Variants in PGK1 observed in about 807,000 individuals in gnomAD.
PGK1 encodes the protein PRP 2.
A neutral mutation model predicts 26.9 loss-of-function variants in PGK1; 3 were observed. The ratio of observed to expected loss-of-function variants is 0.11; its 90% CI spans 0.05 to 0.29. PGK1 has a LOEUF of 0.29. Among genes scored for constraint, PGK1 ranks in the 10% least tolerant of loss-of-function variants. The pLI, the probability that PGK1 is intolerant of heterozygous loss-of-function variation, is 1.00. For missense variants in PGK1, 270 were observed against 314.7 expected, an observed-to-expected ratio of 0.86 and a Z score of 1.07; for synonymous variants, 125 against 115.3, an observed-to-expected ratio of 1.08 and a Z score of -0.54.
chrX:78,104,704 A>T (rs1310757658), intron 1 of PGK1, among the ~76,000 whole-genome samples: 1 of 111,278 alleles, frequency 9.0e-6, no homozygotes, highest in Non-Finnish European at 1.9e-5. Context: ...CGTTGCCTCC[A>T]GCTCCCAGTC....
chrX:78,115,057 C>CT (rs1397828794), intron 4 of PGK1, among the ~76,000 whole-genome samples: 2 of 111,171 alleles, frequency 1.8e-5, no homozygotes, highest in African/African-American at 6.5e-5. Context: ...CAAGCAGTTT[C>CT]TTTTTTTAGC....
At chrX:78,106,363 A>T in intron 1 of PGK1, 1 of 726,461 alleles carries the variant, frequency 1.4e-6, no homozygotes, top group Non-Finnish European at 1.6e-6. Context: ...TTCTCCCGTA[A>T]CCTGGATACC....
chrX:78,119,760 G>A (rs1381377164), intron 6 of PGK1, among the ~76,000 whole-genome samples: 2 of 111,634 alleles, frequency 1.8e-5, no homozygotes, highest in African/African-American at 3.3e-5. Context: ...CTTCCGCCAC[G>A]ATTGTAAATT....
In PGK1 at chrX:78,104,252, C is replaced by T. The variant is rs1557245884; in HGVS notation, c.-89C>T. 2 of 700,174 alleles carry T rather than the reference C, an allele frequency of 2.9e-6. No individual in the cohort carries two copies. The highest frequency in any genetic ancestry group is 4.6e-6 in the Non-Finnish European group (2 of 438,760). The allele number at this position is 700,174 out of a possible 1,213,427, so 57.7% of individuals were successfully genotyped here. On this transcript the variant is annotated 5_prime_UTR_variant, in exon 1 of 11. Coordinates refer to ENST00000373316, the MANE Select transcript of PGK1 (RefSeq NM_000291.4). ...CCCTGTTCCTGCCCGCGCGGTGTTC[C>T]GCATTCTGCAAGCCTCCGGAGCGCA...
In PGK1 at chrX:78,129,226, T is replaced by TATCTATCTATCTATCTATCTA. The variant is rs1557249074; in HGVS notation, c.*3397_*3417dup. On this transcript the variant is annotated 3_prime_UTR_variant, in exon 11 of 11. Transcript: ENST00000373316. ...GAGCATACCCATGTGTGTACCTATC[T>TATCTATCTATCTATCTATCTA]ATCTATCTATCTATCTATCTATCTA... is the stretch of plus-strand genomic sequence containing the variant. 9.5e-6 allele frequency: 1 copy of TATCTATCTATCTATCTATCTA among 105,733 alleles called. No individual in the cohort carries two copies. Among genetic ancestry groups the TATCTATCTATCTATCTATCTA allele is most frequent in the African/African-American group, 3.5e-5 (1 of 28,935 alleles). 8.7% of individuals were successfully genotyped at this position (105,733 alleles called of 1,213,427 possible). A position where few individuals can be genotyped will look rare whatever the true frequency, so the allele number is the denominator to read the frequency against.
At chrX:78,118,292 G>A (rs2078336148) in intron 6 of PGK1, 122 bp downstream of exon 6, 2 of 772,056 alleles carry the variant, frequency 2.6e-6, no homozygotes, top group Non-Finnish European at 4.0e-6. Flanking sequence ...TTTAATAAAG[G>A]AACTACAGGC....
At chrX:78,117,233 A>G in intron 4 of PGK1, 79 bp from the exon 5 acceptor site, 3 of 692,948 alleles carry the variant, frequency 4.3e-6, no homozygotes, top group Non-Finnish European at 2.3e-6. Context: ...GAGATGTTCA[A>G]GAGGACTCTT....
At chrX:78,118,605 C>T (rs142937083) in intron 6 of PGK1, among the ~76,000 whole-genome samples, 6 of 108,291 alleles carry the variant, frequency 5.5e-5, no homozygotes, top group African/African-American at 2.1e-4. Context: ...AATAAATAAA[C>T]AAACAAACGA....
intron 2 of PGK1, 125 bp downstream of exon 2, chrX:78,110,042 A>C: frequency 1.9e-6 from 1 of 534,762 alleles, no homozygotes; most frequent in East Asian, 3.4e-5. Flanking sequence ...TTGGCTTTCT[A>C]TCAACCCACT....
intron 6 of PGK1, among the ~76,000 whole-genome samples, chrX:78,119,961 GA>G (rs782199952): frequency 1.4e-3 from 157 of 111,653 alleles, no homozygotes; most frequent in African/African-American, 5.0e-3. Context: ...CTTGTTCTTG[GA>G]AAAAGGTATC....
chrX:78,117,537 T>G lies in PGK1; in HGVS notation c.521+122T>G, dbSNP rs782209918. 331 of 529,500 alleles carry G rather than the reference T, an allele frequency of 6.3e-4. 1 individual carries two copies. Among genetic ancestry groups the G allele is most frequent in the South Asian group, 5.4e-3 (207 of 37,990 alleles). The allele number at this position is 529,500 out of a possible 1,213,427, so 43.6% of individuals were successfully genotyped here. ...ACTGTAATCCTTTCAGCTTCTCTAA[T>G]TGGAACTGCCACTATGGCTCTTGTT... On this transcript the variant is annotated intron_variant, in intron 5 of 10. Transcript: ENST00000373316.
chrX:78,110,599 A>G (rs1222106610), intron 2 of PGK1, among the ~76,000 whole-genome samples: 4 of 110,148 alleles, frequency 3.6e-5, no homozygotes, highest in Non-Finnish European at 7.6e-5. Flanking sequence ...ATAGTAAGAC[A>G]CCATCTCTAT....
At chrX:78,104,510 C>A in intron 1 of PGK1, 105 bp downstream of exon 1, 1 of 673,725 alleles carries the variant, frequency 1.5e-6, no homozygotes, top group Non-Finnish European at 2.4e-6. Context: ...TAGCTTTTGG[C>A]TGGGCCCCAG....
At position 78,126,117 on chromosome X, in the gene PGK1, G is replaced by A. The variant is rs2078382256; in HGVS notation, c.*287G>A. 5.7e-6 allele frequency: 2 copies of A among 353,341 alleles called. No homozygotes were observed. The highest frequency in any genetic ancestry group is 9.1e-5 in the East Asian group (2 of 21,968). The allele number at this position is 353,341 out of a possible 1,213,427, so 29.1% of individuals were successfully genotyped here. A position where few individuals can be genotyped will look rare whatever the true frequency, so the allele number is the denominator to read the frequency against. The stretch of plus-strand genomic sequence containing the variant: ...TTGCCTGTTAAAAAGAAAGTGAGCA[G>A]TGTTAGCTTAGTTCTCTTTTGATGT... On this transcript the variant is annotated 3_prime_UTR_variant, in exon 11 of 11. Coordinates refer to ENST00000373316, the MANE Select transcript of PGK1 (RefSeq NM_000291.4).
In PGK1 at chrX:78,112,712, A is replaced by T. The variant is rs934093469; in HGVS notation, c.117-1032A>T. On this transcript the variant is annotated intron_variant, in intron 2 of 10. Transcript: ENST00000373316. ...TTCAGGGGTCCCCAAGATCACCCACATATCTCATGATGATTTGCTAGGACT... is the reference window on the plus strand; with the variant it reads ...TTCAGGGGTCCCCAAGATCACCCACTTATCTCATGATGATTTGCTAGGACT... Among the ~76,000 whole-genome samples the T allele has an allele frequency of 2.7e-5, 3 of 112,057 alleles. No individual in the cohort carries two copies. In the Admixed American group the frequency reaches 2.8e-4, roughly 11 times the overall value.
At chrX:78,123,797 C>T (rs182072782) in intron 8 of PGK1, among the ~76,000 whole-genome samples, 153 of 110,347 alleles carry the variant, frequency 1.4e-3, no homozygotes, top group Admixed American at 2.7e-3. Context: ...TTCATAGAGA[C>T]GGGGTTTCAC....
intron 1 of PGK1, among the ~76,000 whole-genome samples, chrX:78,107,308 A>G (rs1428168013): frequency 9.0e-6 from 1 of 110,819 alleles, no homozygotes; most frequent in African/African-American, 3.3e-5. Context: ...TTACGTGCGT[A>G]GATTTGTGTA....
intron 1 of PGK1, among the ~76,000 whole-genome samples, chrX:78,105,924 A>G (rs1324591574): frequency 1.8e-5 from 2 of 111,862 alleles, no homozygotes; most frequent in African/African-American, 6.5e-5. Flanking sequence ...TTGGCATGCA[A>G]CTAGCTTTTA....
intron 8 of PGK1, among the ~76,000 whole-genome samples, chrX:78,124,604 T>A (rs993359789): frequency 8.9e-6 from 1 of 111,897 alleles, no homozygotes; most frequent in Admixed American, 9.5e-5. Flanking sequence ...CTGACCTGGT[T>A]GAGAACCATT....
Sources: gnomAD v4.1 joint callset for allele counts (sites outside exome capture counted in the v4.1 genomes callset) on GRCh38, gnomAD v4.1.1 for gene constraint, MANE v1.5 for transcripts, NCBI Gene and HGNC (gene_info 2026-07-23, HGNC 2026-07-21) for gene names.